The following ZNF600 variants were observed in gnomAD, a reference collection of about 807,000 sequenced individuals.
The protein encoded by ZNF600 is zinc finger protein KR-ZNF1.
A neutral mutation model predicts 7.3 loss-of-function variants in ZNF600; 4 were observed. That is an observed-to-expected ratio of 0.55 (90% CI 0.27 to 1.25). The LOEUF is 1.25. Among genes scored for constraint, ZNF600 ranks in the 50% most tolerant of loss-of-function variants. The pLI, the probability that ZNF600 is intolerant of heterozygous loss-of-function variation, is 0.12. For synonymous variants in ZNF600, 290 were observed against 308.9 expected (o/e 0.94, Z 0.64); for missense variants, 911 against 922.1 (o/e 0.99, Z 0.16).
At chr19:52,815,757 G>A in the ZNF600 span, among the ~76,000 whole-genome samples, 14 of 144,994 alleles carry the variant, frequency 9.7e-5, 1 homozygote, top group Admixed American at 9.7e-4. Flanking sequence ...CCCAGGAGGC[G>A]GAGCTTGCAG....
upstream of ZNF600, chr19:52,786,808 A>C: frequency 2.9e-6 from 1 of 343,038 alleles, no homozygotes; most frequent in Non-Finnish European, 6.2e-6. Flanking sequence ...AGGCCGGGGC[A>C]GGTTGGCTGG....
intron 1 of ZNF600, among the ~76,000 whole-genome samples, chr19:52,783,452 C>T (rs936469942): frequency 6.6e-6 from 1 of 152,178 alleles, no homozygotes; most frequent in Non-Finnish European, 1.5e-5. Flanking sequence ...AGCTCCGCCT[C>T]CCGGGTTCAT....
chr19:52,820,204 G>A, the ZNF600 span, among the ~76,000 whole-genome samples: 1 of 108,736 alleles, frequency 9.2e-6, no homozygotes, highest in African/African-American at 4.0e-5. Context: ...TGCAAGCTCT[G>A]CTTCCCGGGT....
the ZNF600 span, among the ~76,000 whole-genome samples, chr19:52,830,286 AC>A: frequency 3.9e-5 from 6 of 152,070 alleles, no homozygotes; most frequent in Non-Finnish European, 7.4e-5. Context: ...AAACAAACAA[AC>A]AAAAAATCTG....
upstream of ZNF600, among the ~76,000 whole-genome samples, chr19:52,789,759 C>T (rs1411494575): frequency 6.6e-6 from 1 of 152,080 alleles, no homozygotes; most frequent in Non-Finnish European, 1.5e-5. Flanking sequence ...ATGAAAAATA[C>T]GGCCGTACAC....
exon 1 of ZNF600, chr19:52,786,777 TGC>T (rs1014010242): frequency 1.2e-4 from 36 of 291,070 alleles, no homozygotes; most frequent in East Asian, 8.7e-4. Flanking sequence ...TCCGGGTTTG[TGC>T]GCGCCCAGGA....
chr19:52,774,432 A>T, intron 3 of ZNF600, 143 bp downstream of exon 5: 1 of 901,498 alleles, frequency 1.1e-6, no homozygotes, highest in Non-Finnish European at 1.3e-6. Flanking sequence ...TCCATCTCAA[A>T]CAAAAAAACA....
chr19:52,767,415 G>A lies in ZNF600; in HGVS notation c.548C>T (p.Ser183Phe), dbSNP rs754976104. 3 of 1,614,144 alleles carry A rather than the reference G, an allele frequency of 1.9e-6. No homozygotes were observed. Among genetic ancestry groups the A allele is most frequent in the Non-Finnish European group, 2.5e-6 (3 of 1,180,028 alleles). Reference sequence around the variant, plus strand: ...TGAAACCGAGGGAGCATCACTGGTAGACTTCTCAAATTGATTACCAATTTT... The same window carrying A: ...TGAAACCGAGGGAGCATCACTGGTAAACTTCTCAAATTGATTACCAATTTT... Residue 183 changes from serine to phenylalanine, a missense_variant, in exon 4 of 4, where the codon TCT becomes TTT. Ser to Phe is a radical substitution (Grantham distance 155). Transcript: ENST00000648973.
chr19:52,765,828 CAT>C lies in ZNF600; in HGVS notation c.2133_2134del (p.Cys712Ter), dbSNP rs767581824. 95 of 1,613,958 alleles carry C rather than the reference CAT, an allele frequency of 5.9e-5. No individual in the cohort carries two copies. Among genetic ancestry groups the C allele is most frequent in the Admixed American group, 3.8e-4 (23 of 60,008 alleles). ...TGATTTGCGACTGAAAACTTTGTCA[CAT>C]GTTTCACATTTGTAAAGTTTCTCCC... is the stretch of plus-strand genomic sequence containing the variant. On this transcript the variant is annotated frameshift_variant, in exon 4 of 4. Coordinates refer to ENST00000648973, the Ensembl canonical transcript of ZNF600. LOFTEE classifies it low-confidence loss of function (END_TRUNC).
chr19:52,774,540 G>A, intron 3 of ZNF600, 35 bp downstream of exon 5: 1 of 982,820 alleles, frequency 1.0e-6, no homozygotes, highest in Non-Finnish European at 1.2e-6. Flanking sequence ...GACAAGAGCA[G>A]ACTCCTCATG....
the ZNF600 span, among the ~76,000 whole-genome samples, chr19:52,816,345 C>T: frequency 5.0e-3 from 734 of 146,190 alleles, 120 homozygotes; most frequent in African/African-American, 0.019. Flanking sequence ...ATGGTGAAAC[C>T]CTGTTTCTAC....
At chr19:52,810,491 T>A in the ZNF600 span, 104 of 1,584,994 alleles carry the variant, frequency 6.6e-5, no homozygotes, top group Non-Finnish European at 8.7e-5. Context: ...CTTGGATGAG[T>A]CCCTATTTAG....
At chr19:52,772,957 A>G (rs1356829339) in intron 3 of ZNF600, among the ~76,000 whole-genome samples, 1 of 152,262 alleles carries the variant, frequency 6.6e-6, no homozygotes, top group African/African-American at 2.4e-5. Flanking sequence ...GATGCCCTGC[A>G]CACACTGATT....
chr19:52,810,657 T>C, the ZNF600 span: 1 of 1,137,718 alleles, frequency 8.8e-7, no homozygotes, highest in East Asian at 2.4e-5. Context: ...GGCTCTGGGG[T>C]CGCGTCTACA....
chr19:52,805,464 T>C, the ZNF600 span: 1 of 150,530 alleles, frequency 6.6e-6, no homozygotes, highest in African/African-American at 2.4e-5. Flanking sequence ...CCATCTCTAC[T>C]AAAAATACAA....
chr19:52,770,820 A>C (rs1173261083), intron 3 of ZNF600, among the ~76,000 whole-genome samples: 1 of 151,906 alleles, frequency 6.6e-6, no homozygotes, highest in African/African-American at 2.4e-5. Context: ...TAGGGCTTTT[A>C]ATTGTATTTT....
chr19:52,778,819 A>C lies in ZNF600; in HGVS notation c.63+7T>G. On this transcript the variant is annotated splice_region_variant and intron_variant, in intron 2 of 3. Transcript: ENST00000648973. ...ACAGATTAATCCACAGAGGAATATCACTTCACCTGAGGAAGAGCCATGCCT... is the reference window on the plus strand; with the variant it reads ...ACAGATTAATCCACAGAGGAATATCCCTTCACCTGAGGAAGAGCCATGCCT... 6.2e-7 allele frequency: 1 copy of C among 1,605,824 alleles called. No individual in the cohort carries two copies. The highest frequency in any genetic ancestry group is 2.2e-5 in the East Asian group (1 of 44,792).
At chr19:52,809,090 G>C in the ZNF600 span, among the ~76,000 whole-genome samples, 1 of 152,144 alleles carries the variant, frequency 6.6e-6, no homozygotes, top group Non-Finnish European at 1.5e-5. Context: ...AGCAAGTTTT[G>C]TTTAACTGAA....
At chr19:52,801,197 T>G in the ZNF600 span, 4 of 1,614,146 alleles carry the variant, frequency 2.5e-6, no homozygotes, top group African/African-American at 1.3e-5. Flanking sequence ...TCTCAATACA[T>G]TGGAAAGATT....
Sources: gnomAD v4.1 joint callset for allele counts (sites outside exome capture counted in the v4.1 genomes callset) on GRCh38, gnomAD v4.1.1 for gene constraint, MANE v1.5 for transcripts, NCBI Gene and HGNC (gene_info 2026-07-23, HGNC 2026-07-21) for gene names.